The following SETD2 variants were observed in gnomAD, a reference collection of about 807,000 sequenced individuals.
SETD2 encodes the protein SET domain containing 2, histone lysine methyltransferase.
In SETD2, 31 loss-of-function variants were observed where a neutral mutation model predicts 242.1. The observed-to-expected ratio is 0.13, with a 90% CI of 0.10 to 0.17. The LOEUF is 0.17. Among genes scored for constraint, SETD2 ranks in the 10% least tolerant of loss-of-function variants. SETD2 has a pLI of 1.00. For synonymous variants in SETD2, 1,006 were observed against 1,066.5 expected, an observed-to-expected ratio of 0.94 and a Z score of 1.11; for missense variants, 2,481 against 3,046.3, an observed-to-expected ratio of 0.81 and a Z score of 4.37.
intron 5 of SETD2, among the ~76,000 whole-genome samples, chr3:47,110,738 T>C (rs138806891): frequency 1.3e-3 from 203 of 152,284 alleles, no homozygotes; most frequent in African/African-American, 4.8e-3. Context: ...GTGGCAGTTA[T>C]AGGAGTAGGA....
At chr3:47,035,272 A>C (rs1231395540) in intron 18 of SETD2, among the ~76,000 whole-genome samples, 1 of 152,182 alleles carries the variant, frequency 6.6e-6, no homozygotes, top group African/African-American at 2.4e-5. Flanking sequence ...TGCTGAGCAG[A>C]CCTAACTACT....
At chr3:47,070,947 G>A (rs562540593) in intron 12 of SETD2, among the ~76,000 whole-genome samples, 184 of 152,224 alleles carry the variant, frequency 1.2e-3, no homozygotes, top group Middle Eastern at 6.8e-3. Context: ...TGTTGCCCAG[G>A]CTGGTCTCAA....
At chr3:47,130,150 C>T (rs186133305) in intron 1 of SETD2, among the ~76,000 whole-genome samples, 2 of 152,026 alleles carry the variant, frequency 1.3e-5, no homozygotes, top group South Asian at 4.1e-4. Flanking sequence ...GCAAGATTGG[C>T]GGGACAAGAG....
At chr3:47,101,786 T>C (rs1170726725) in intron 7 of SETD2, among the ~76,000 whole-genome samples, 1 of 152,108 alleles carries the variant, frequency 6.6e-6, no homozygotes, top group Non-Finnish European at 1.5e-5. Context: ...CCAGATTGCA[T>C]ATATCTCTAA....
intron 14 of SETD2, among the ~76,000 whole-genome samples, chr3:47,060,929 T>C (rs2040303308): frequency 6.6e-6 from 1 of 152,136 alleles, no homozygotes; most frequent in Non-Finnish European, 1.5e-5. Flanking sequence ...ACATATAAGA[T>C]ACTTCACAGA....
At chr3:47,147,703 T>C (rs1013526400) in intron 1 of SETD2, among the ~76,000 whole-genome samples, 1 of 151,472 alleles carries the variant, frequency 6.6e-6, no homozygotes, top group Non-Finnish European at 1.5e-5. Flanking sequence ...GCGGGCAGAT[T>C]ACGGTCAGGA....
intron 12 of SETD2, among the ~76,000 whole-genome samples, chr3:47,073,455 T>A (rs180870195): frequency 6.6e-6 from 1 of 152,040 alleles, no homozygotes; most frequent in Non-Finnish European, 1.5e-5. Flanking sequence ...GAAGCGCAAG[T>A]AGGTCAAAGA....
intron 1 of SETD2, among the ~76,000 whole-genome samples, chr3:47,153,058 G>A (rs896194101): frequency 1.3e-5 from 2 of 151,906 alleles, no homozygotes; most frequent in Non-Finnish European, 1.5e-5. Flanking sequence ...GGTGGCTCAC[G>A]CCTGTAATCC....
At chr3:47,046,426 G>A (rs2107548658) in intron 16 of SETD2, 61 bp downstream of exon 16, 6 of 1,387,750 alleles carry the variant, frequency 4.3e-6, no homozygotes, top group South Asian at 3.7e-5. Context: ...AAACCAAAAA[G>A]AAAACCTTCC....
intron 2 of SETD2, 142 bp from the exon 3 acceptor site, chr3:47,124,690 T>C: frequency 3.0e-6 from 2 of 671,562 alleles, no homozygotes; most frequent in Non-Finnish European, 4.6e-6. Flanking sequence ...TATATATATC[T>C]TTATTATGAA....
chr3:47,081,021 G>C (rs1316860541), intron 12 of SETD2: 1 of 986,822 alleles, frequency 1.0e-6, no homozygotes, highest in African/African-American at 1.7e-5. Context: ...TGGAAATGGA[G>C]TTGAGAAAAG....
intron 15 of SETD2, among the ~76,000 whole-genome samples, chr3:47,050,929 C>T (rs1296692336): frequency 6.6e-6 from 1 of 151,622 alleles, no homozygotes; most frequent in Non-Finnish European, 1.5e-5. Context: ...AACAAGGTTT[C>T]ACCATGTTGG....
chr3:47,145,530 C>T (rs543739719), intron 1 of SETD2: 15 of 423,936 alleles, frequency 3.5e-5, no homozygotes, highest in African/African-American at 3.0e-4. Flanking sequence ...GAAGGGACTA[C>T]AGGTGCATGC....
At chr3:47,095,632 A>G (rs2041976448) in intron 9 of SETD2, among the ~76,000 whole-genome samples, 1 of 152,230 alleles carries the variant, frequency 6.6e-6, no homozygotes, top group East Asian at 1.9e-4. Context: ...TTCCATAGAT[A>G]AATCTTAAAG....
chr3:47,037,827 T>C (rs1172420835), intron 17 of SETD2, 50 bp from the exon 18 acceptor site: 9 of 1,298,070 alleles, frequency 6.9e-6, no homozygotes, highest in Non-Finnish European at 7.8e-6. Context: ...AAACAGAGAA[T>C]CCTGACATAA....
At chr3:47,019,629 T>A (rs2107494342) in intron 19 of SETD2, 131 bp downstream of exon 19, 1 of 745,244 alleles carries the variant, frequency 1.3e-6, no homozygotes, top group Admixed American at 2.3e-5. Context: ...CAGCAAGACA[T>A]ACACACAAGG....
At chr3:47,090,240 CCTT>C (rs1472918595) in intron 9 of SETD2, among the ~76,000 whole-genome samples, 5 of 151,944 alleles carry the variant, frequency 3.3e-5, no homozygotes, top group East Asian at 1.9e-4. Flanking sequence ...GAGTGAGACT[CCTT>C]CTCAAAAACA....
At chr3:47,106,879 T>C (rs548654045) in intron 5 of SETD2, among the ~76,000 whole-genome samples, 1 of 152,098 alleles carries the variant, frequency 6.6e-6, no homozygotes, top group Non-Finnish European at 1.5e-5. Flanking sequence ...TCTGCTGTCT[T>C]TACTCTCAAA....
intron 17 of SETD2, 34 bp from the exon 18 acceptor site, chr3:47,037,811 G>A (rs2107529311): frequency 6.8e-7 from 1 of 1,472,600 alleles, no homozygotes; most frequent in Non-Finnish European, 9.5e-7. Context: ...TGCTGTCAGG[G>A]CTAGGAAACA....
Sources: allele counts gnomAD v4.1 joint callset (sites outside exome capture counted in the v4.1 genomes callset), GRCh38; gene constraint gnomAD v4.1.1; transcripts MANE v1.5; gene names NCBI Gene and HGNC (gene_info 2026-07-23, HGNC 2026-07-21).